IFNGR1: variants seen among roughly 807,000 people sequenced by gnomAD.
IFNGR1 encodes AVP, type 2.
A neutral mutation model predicts 35.4 loss-of-function variants in IFNGR1; 23 were observed. The ratio of observed to expected loss-of-function variants is 0.65; its 90% CI spans 0.47 to 0.92. IFNGR1 has a LOEUF of 0.92. IFNGR1 is among the 40% of genes least tolerant of loss of function. The pLI, the probability that IFNGR1 is intolerant of heterozygous loss-of-function variation, is 0.00. For missense variants in IFNGR1, 533 were observed against 583.4 expected, an observed-to-expected ratio of 0.91 and a Z score of 0.89; for synonymous variants, 199 against 209.5, an observed-to-expected ratio of 0.95 and a Z score of 0.43.
At position 137,198,134 on chromosome 6, in the gene IFNGR1, C is replaced by T. The variant is rs2114440948; in HGVS notation, c.1367G>A (p.Gly456Asp). Reference protein sequence around the residue: ...ITVIKAPTSFGYDKPHVLVDL... With the variant: ...ITVIKAPTSFDYDKPHVLVDL... ...CACTAGCACATGTGGTTTATCATAA[C>T]CAAAGGAGGTGGGGGCTTTTATTAC... is the stretch of plus-strand genomic sequence containing the variant. The change falls in exon 7 of 7, where the codon GGT (glycine) becomes GAT (aspartate). Residue 456 changes from glycine (G) to aspartate (D), a missense_variant. Gly to Asp is a moderately conservative substitution (Grantham distance 94). Transcript: ENST00000367739. 6.8e-6 allele frequency: 11 copies of T among 1,614,106 alleles called. No individual in the cohort carries two copies. The highest frequency in any genetic ancestry group is 8.5e-6 in the Non-Finnish European group (10 of 1,180,014).
At position 137,216,058 on chromosome 6, in the gene IFNGR1, T is replaced by C. The variant is rs144074383; in HGVS notation, c.85+3185A>G. On this transcript the variant is annotated intron_variant, in intron 1 of 6. Transcript: ENST00000367739. ...GTCCTTTCAAAGTCTGTGTGAATTA[T>C]GAATCAGAATAAAATGAAAAAGAAA... is the stretch of plus-strand genomic sequence containing the variant. Among the ~76,000 whole-genome samples, 327 of 152,318 alleles carry C rather than the reference T, an allele frequency of 2.1e-3. 2 individuals carry two copies. The highest frequency in any genetic ancestry group is 6.9e-3 in the African/African-American group (288 of 41,564).
At chr6:137,214,468 G>A (rs1779644778) in intron 1 of IFNGR1, among the ~76,000 whole-genome samples, 1 of 152,192 alleles carries the variant, frequency 6.6e-6, no homozygotes, top group South Asian at 2.1e-4. Flanking sequence ...AGTGTTCATT[G>A]AAATCTTCTA....
Position 137,197,943 on chromosome 6 carries a change from A to G in IFNGR1, c.*88T>C. The G allele has an allele frequency of 6.3e-7, 1 of 1,575,398 alleles. No homozygotes were observed. Among genetic ancestry groups the G allele is most frequent in the Non-Finnish European group, 8.7e-7 (1 of 1,148,092 alleles). On this transcript the variant is annotated 3_prime_UTR_variant, in exon 7 of 7. Transcript: ENST00000367739. ...TTTGGTTGATACCAACTAAGATACA[A>G]TTTCTGAGATCATAATCTTTTCATG...
At chr6:137,216,112 T>A (rs1582646436) in intron 1 of IFNGR1, among the ~76,000 whole-genome samples, 1 of 152,196 alleles carries the variant, frequency 6.6e-6, no homozygotes, top group Non-Finnish European at 1.5e-5. Context: ...TAAATATAAT[T>A]AAAAAGTATT....
rs1170537862 is a variant in IFNGR1, at chr6:137,198,103, T to C, written c.1398A>G (p.Leu466=). The C allele has an allele frequency of 1.2e-6, 2 of 1,614,046 alleles. No individual in the cohort carries two copies. Among genetic ancestry groups the C allele is most frequent in the Non-Finnish European group, 8.5e-7 (1 of 1,180,022 alleles). ...ACTCTTTACCGCTATCATCCACAAG[T>C]AGATCCACTAGCACATGTGGTTTAT... ...GYDKPHVLVD[L]LVDDSGKESL... Residue 466 remains leucine, a synonymous_variant, in exon 7 of 7, where the codon CTA becomes CTG. Transcript: ENST00000367739.
rs374787981 is a variant in IFNGR1, at chr6:137,198,311, T to C, written c.1190A>G (p.Tyr397Cys). Residue 397 changes from tyrosine to cysteine, a missense_variant, in exon 7 of 7, where the codon TAT (tyrosine) becomes TGT (cysteine). Coordinates refer to ENST00000367739, the MANE Select transcript of IFNGR1 (RefSeq NM_000416.3). ...ACTCTCAGAACAATTTCTGGAGTGA[T>C]ACGAGTTTAAAGCGATGCTGCCAGG... The part of the protein sequence containing the change: ...SEPGSIALNS[Y>C]HSRNCSESDH... The C allele has an allele frequency of 1.7e-5, 28 of 1,614,060 alleles. No homozygotes were observed. Among genetic ancestry groups the C allele is most frequent in the Non-Finnish European group, 2.3e-5 (27 of 1,180,046 alleles).
At chr6:137,219,187 A>T (rs964113507) in intron 1 of IFNGR1, 56 bp downstream of exon 1, 1 of 1,554,242 alleles carries the variant, frequency 6.4e-7, no homozygotes. Flanking sequence ...GCTGGGGCGG[A>T]TCCCTCCCTC....
Position 137,198,624 on chromosome 6 carries a change from T to G in IFNGR1, c.877A>C (p.Ser293Arg), listed in dbSNP as rs1189615508. 5.6e-6 allele frequency: 9 copies of G among 1,611,786 alleles called. No homozygotes were observed. The highest frequency in any genetic ancestry group is 4.5e-5 in the East Asian group (2 of 44,876). ...LPKSLISVVR[S>R]ATLETKPESK... ...TCAGGTTTTGTCTCTAAAGTAGCACTTCTTACCACAGAGATCTATGGGGAG... is the reference window on the plus strand; with the variant it reads ...TCAGGTTTTGTCTCTAAAGTAGCACGTCTTACCACAGAGATCTATGGGGAG... The change falls in exon 7 of 7, where the codon AGT (serine) becomes CGT (arginine). Residue 293 changes from serine to arginine, a missense_variant. Ser to Arg is a moderately radical substitution (Grantham distance 110, BLOSUM62 -1). Coordinates refer to ENST00000367739, the MANE Select transcript of IFNGR1 (RefSeq NM_000416.3).
chr6:137,205,039 T>C (rs140743898), intron 3 of IFNGR1, among the ~76,000 whole-genome samples: 1 of 152,356 alleles, frequency 6.6e-6, no homozygotes, highest in East Asian at 1.9e-4. Flanking sequence ...TACCACTGTG[T>C]GCCAGGCAGG....
intron 1 of IFNGR1, among the ~76,000 whole-genome samples, chr6:137,208,303 C>T (rs1453159699): frequency 6.6e-6 from 1 of 152,182 alleles, no homozygotes; most frequent in South Asian, 2.1e-4. Flanking sequence ...AACCCATTTT[C>T]TGGGGAGAAA....
rs1230271624 is a variant in IFNGR1, at chr6:137,219,370, G to A, written c.-43C>T. 7 of 1,573,770 alleles carry A rather than the reference G, an allele frequency of 4.4e-6. No individual in the cohort carries two copies. The highest frequency in any genetic ancestry group is 6.0e-6 in the Non-Finnish European group (7 of 1,159,758). ...CTGGCTCCAACCCCGAGCGCCTGCGGGACCAGCCCAGCACTGCCCTCCAGC... is the reference window on the plus strand; with the variant it reads ...CTGGCTCCAACCCCGAGCGCCTGCGAGACCAGCCCAGCACTGCCCTCCAGC... On this transcript the variant is annotated 5_prime_UTR_variant, in exon 1 of 7. Coordinates refer to ENST00000367739, the MANE Select transcript of IFNGR1 (RefSeq NM_000416.3).
intron 3 of IFNGR1, among the ~76,000 whole-genome samples, chr6:137,205,438 C>A (rs1317110868): frequency 6.6e-6 from 1 of 152,132 alleles, no homozygotes; most frequent in African/African-American, 2.4e-5. Context: ...GAGGTGACAG[C>A]AAACATCAGG....
At chr6:137,207,265 A>T (rs1779457453) in intron 1 of IFNGR1, among the ~76,000 whole-genome samples, 188 bp from the exon 2 acceptor site, 1 of 152,230 alleles carries the variant, frequency 6.6e-6, no homozygotes, top group Non-Finnish European at 1.5e-5. Flanking sequence ...AAATCTATAG[A>T]AGAGTTCTGA....
At chr6:137,214,575 A>G (rs1405587135) in intron 1 of IFNGR1, among the ~76,000 whole-genome samples, 1 of 152,078 alleles carries the variant, frequency 6.6e-6, no homozygotes, top group East Asian at 1.9e-4. Flanking sequence ...CCCTCGCACC[A>G]CCACCAAGTT....
At position 137,206,870 on chromosome 6, in the gene IFNGR1, C is replaced by T. The variant is rs917438524; in HGVS notation, c.200+93G>A. The T allele has an allele frequency of 6.0e-5, 58 of 959,294 alleles. No homozygotes were observed. In the Middle Eastern group the frequency reaches 8.3e-4, roughly 14 times the overall value. The allele number at this position is 959,294 out of a possible 1,614,324, so 59.4% of individuals were successfully genotyped here. ...ATAAGCAGTTTAGAATGTTTTGCCA[C>T]GTGGGAAGGCTGATGAAAGAACACA... On this transcript the variant is annotated intron_variant, in intron 2 of 6. Coordinates refer to ENST00000367739, the MANE Select transcript of IFNGR1 (RefSeq NM_000416.3).
At chr6:137,215,146 G>A (rs1198510282) in intron 1 of IFNGR1, 2 of 1,248,804 alleles carry the variant, frequency 1.6e-6, no homozygotes, top group African/African-American at 3.0e-5. Context: ...TTTTACCAAT[G>A]AGAAAACAAA....
At chr6:137,218,164 C>T (rs1160164050) in intron 1 of IFNGR1, among the ~76,000 whole-genome samples, 1 of 152,228 alleles carries the variant, frequency 6.6e-6, no homozygotes, top group Non-Finnish European at 1.5e-5. Context: ...CAGGCCTCTC[C>T]GTAACTCAAT....
chr6:137,219,362 C>T lies in IFNGR1; in HGVS notation c.-35G>A, dbSNP rs749051098. The T allele has an allele frequency of 1.3e-6, 2 of 1,579,388 alleles. No homozygotes were observed. Among genetic ancestry groups the T allele is most frequent in the East Asian group, 4.6e-5 (2 of 43,434 alleles). On this transcript the variant is annotated 5_prime_UTR_variant, in exon 1 of 7. Transcript: ENST00000367739. ...GACGGTCGCTGGCTCCAACCCCGAGCGCCTGCGGGACCAGCCCAGCACTGC... is the reference window on the plus strand; with the variant it reads ...GACGGTCGCTGGCTCCAACCCCGAGTGCCTGCGGGACCAGCCCAGCACTGC...
chr6:137,206,230 A>T lies in IFNGR1; in HGVS notation c.279T>A (p.Asp93Glu). Residue 93 changes from aspartate to glutamate, a missense_variant, in exon 3 of 7, where the codon GAT becomes GAA. Physicochemically the swap from Asp to Glu is conservative, Grantham distance 45. Transcript: ENST00000367739. ...HYCNISDHVG[D>E]PSNSLWVRVK... is the part of the protein sequence containing the mutation. ...CTCTGACCCAAAGAGAATTTGATGG[A>T]TCACCAACATGATCAGAAATATTAC... is the stretch of plus-strand genomic sequence containing the variant. 2 of 1,612,010 alleles carry T rather than the reference A, an allele frequency of 1.2e-6. No individual in the cohort carries two copies. Among genetic ancestry groups the T allele is most frequent in the Non-Finnish European group, 1.7e-6 (2 of 1,178,006 alleles).
Sources: allele counts gnomAD v4.1 joint callset (sites outside exome capture counted in the v4.1 genomes callset), GRCh38; gene constraint gnomAD v4.1.1; transcripts MANE v1.5; gene names NCBI Gene and HGNC (gene_info 2026-07-23, HGNC 2026-07-21).